The following AUTS2 variants were observed in gnomAD, a reference collection of about 807,000 sequenced individuals.
AUTS2 encodes activator of transcription and developmental regulator AUTS2, also known as autism susceptibility gene 2 protein.
Under a neutral mutation model 112.4 loss-of-function variants are expected in AUTS2, and 17 were observed. The ratio of observed to expected loss-of-function variants is 0.15; its 90% CI spans 0.10 to 0.23. AUTS2 has a LOEUF of 0.23. Ranked by LOEUF, AUTS2 falls within the 10% of genes least tolerant of loss-of-function variation. The pLI, the probability that AUTS2 is intolerant of heterozygous loss-of-function variation, is 1.00. For synonymous variants in AUTS2, 751 were observed against 702.7 expected (o/e 1.07, Z -1.09); for missense variants, 1,510 against 1,701.6 (o/e 0.89, Z 1.98).
chr7:69,827,196 C>T (rs1315423918), intron 1 of AUTS2, among the ~76,000 whole-genome samples: 2 of 152,160 alleles, frequency 1.3e-5, no homozygotes, highest in Admixed American at 6.5e-5. Flanking sequence ...TTCTGTCCTG[C>T]CTTTACTCTC....
At position 69,741,704 on chromosome 7, in the gene AUTS2, T is replaced by TA. The variant is rs112536740; in HGVS notation, c.309+141757dup. Among the ~76,000 whole-genome samples, 339 of 140,234 alleles carry TA rather than the reference T, an allele frequency of 2.4e-3. 1 individual carries two copies. Among genetic ancestry groups the TA allele is most frequent in the Middle Eastern group, 3.7e-3 (1 of 272 alleles). The allele number at this position is 140,234 out of a possible 152,430, so 92.0% of individuals were successfully genotyped here. A position where few individuals can be genotyped will look rare whatever the true frequency, so the allele number is the denominator to read the frequency against. ...TGAGCAGCAGAGCAAAACCCTGTCT[T>TA]AAAAAAAAAAAAAAATCCATAGCCT... is the stretch of plus-strand genomic sequence containing the variant. On this transcript the variant is annotated intron_variant, in intron 1 of 18. Transcript: ENST00000342771.
At chr7:70,457,840 C>A (rs76422628) in intron 5 of AUTS2, among the ~76,000 whole-genome samples, 5,964 of 152,270 alleles carry the variant, frequency 0.039, 175 homozygotes, top group Non-Finnish European at 0.063. Context: ...CCTTCAGAAT[C>A]TTCTGAGCCG....
chr7:70,599,554 C>T (rs62455835), intron 5 of AUTS2, among the ~76,000 whole-genome samples: 4,397 of 152,246 alleles, frequency 0.029, 78 homozygotes, highest in South Asian at 0.072. Flanking sequence ...TCAGAATCTG[C>T]GACAGGTTCC....
chr7:70,411,880 T>G (rs1233561539), intron 4 of AUTS2, among the ~76,000 whole-genome samples: 1 of 151,146 alleles, frequency 6.6e-6, no homozygotes, highest in Non-Finnish European at 1.5e-5. Flanking sequence ...GGATTGTTGA[T>G]GAAGGAGTTT....
At chr7:70,214,487 A>G (rs563880751) in intron 4 of AUTS2, among the ~76,000 whole-genome samples, 1 of 152,340 alleles carries the variant, frequency 6.6e-6, no homozygotes, top group South Asian at 2.1e-4. Flanking sequence ...CATGTTCCAC[A>G]AAACACTCAG....
At chr7:70,177,637 T>C (rs928022880) in intron 4 of AUTS2, among the ~76,000 whole-genome samples, 2 of 152,186 alleles carry the variant, frequency 1.3e-5, no homozygotes, top group Non-Finnish European at 2.9e-5. Flanking sequence ...GGAGCAGACA[T>C]TTGAACTTGA....
At chr7:70,511,561 C>CTTTT (rs3974587) in intron 5 of AUTS2, among the ~76,000 whole-genome samples, 3,383 of 70,324 alleles carry the variant, frequency 0.048, 173 homozygotes, top group Middle Eastern at 0.061. Context: ...TTTTCATTTT[C>CTTTT]TTTTTTTTTT....
At chr7:70,755,637 T>C (rs561257820) in intron 6 of AUTS2, among the ~76,000 whole-genome samples, 50 of 152,018 alleles carry the variant, frequency 3.3e-4, no homozygotes, top group African/African-American at 1.2e-3. Context: ...GCCACTGCAC[T>C]CCACCCTGGG....
At chr7:69,725,527 G>C (rs922537511) in intron 1 of AUTS2, among the ~76,000 whole-genome samples, 9 of 152,132 alleles carry the variant, frequency 5.9e-5, no homozygotes, top group African/African-American at 2.2e-4. Flanking sequence ...AAAAAAGGCA[G>C]GGTTGACATT....
intron 10 of AUTS2, among the ~76,000 whole-genome samples, chr7:70,770,532 A>G (rs1456437037): frequency 6.6e-6 from 1 of 152,250 alleles, no homozygotes; most frequent in African/African-American, 2.4e-5. Flanking sequence ...ATAGGACCTC[A>G]AAAAGATTAA....
intron 6 of AUTS2, among the ~76,000 whole-genome samples, chr7:70,700,290 G>C (rs1809380824): frequency 6.6e-6 from 1 of 152,066 alleles, no homozygotes; most frequent in African/African-American, 2.4e-5. Flanking sequence ...TGCTTTTCTA[G>C]GGGTGATTTA....
intron 1 of AUTS2, among the ~76,000 whole-genome samples, chr7:69,871,457 C>T (rs1430792385): frequency 1.3e-5 from 2 of 152,146 alleles, no homozygotes; most frequent in Non-Finnish European, 2.9e-5. Context: ...CCTGTATATA[C>T]TATGCTTTTT....
intron 2 of AUTS2, among the ~76,000 whole-genome samples, chr7:70,001,621 G>A (rs1475510172): frequency 6.6e-6 from 1 of 151,944 alleles, no homozygotes; most frequent in African/African-American, 2.4e-5. Context: ...AGTTCAAGGT[G>A]AAAGAACAGT....
chr7:70,396,540 C>A, intron 4 of AUTS2, among the ~76,000 whole-genome samples: 1 of 152,090 alleles, frequency 6.6e-6, no homozygotes, highest in East Asian at 1.9e-4. Flanking sequence ...CCACACCCGG[C>A]TAATGTTTGT....
At chr7:70,673,991 T>G (rs1026203687) in intron 5 of AUTS2, among the ~76,000 whole-genome samples, 1 of 152,176 alleles carries the variant, frequency 6.6e-6, no homozygotes, top group African/African-American at 2.4e-5. Context: ...ATGACAGATC[T>G]CATGTAATCA....
intron 6 of AUTS2, among the ~76,000 whole-genome samples, chr7:70,701,921 A>G (rs1809481548): frequency 6.6e-6 from 1 of 152,162 alleles, no homozygotes; most frequent in Non-Finnish European, 1.5e-5. Flanking sequence ...TAGTAACCCT[A>G]TTTAGTTGAT....
chr7:70,666,207 C>T (rs944813414), intron 5 of AUTS2, among the ~76,000 whole-genome samples: 1 of 152,140 alleles, frequency 6.6e-6, no homozygotes, highest in African/African-American at 2.4e-5. Context: ...TCTTCATCTG[C>T]AAAATGGGAA....
In AUTS2 at chr7:70,790,584, A is replaced by T; in HGVS notation, c.3368A>T (p.Asp1123Val). The T allele has an allele frequency of 1.2e-6, 2 of 1,602,434 alleles. No individual in the cohort carries two copies. The highest frequency in any genetic ancestry group is 1.7e-6 in the Non-Finnish European group (2 of 1,175,578). ...DRSFRDREPH[D>V]YSHHHHHHHH... Reference sequence around the variant, plus strand: ...TCCTTCAGGGACCGGGAGCCTCACGACTACAGCCACCACCACCACCACCAC... The same window carrying T: ...TCCTTCAGGGACCGGGAGCCTCACGTCTACAGCCACCACCACCACCACCAC... The change falls in exon 19 of 19, where the codon GAC becomes GTC. Residue 1123 changes from aspartate to valine, a missense_variant. Coordinates refer to ENST00000342771, the MANE Select transcript of AUTS2 (RefSeq NM_015570.4). This position sits in a 1 kb window ranked among gnomAD's most constrained non-coding sequence, Gnocchi z 7.6.
At chr7:69,985,268 C>T (rs921543726) in intron 2 of AUTS2, among the ~76,000 whole-genome samples, 1 of 151,532 alleles carries the variant, frequency 6.6e-6, no homozygotes, top group Non-Finnish European at 1.5e-5. Flanking sequence ...GAAAACGTGC[C>T]CTGTTTTTCT....
Sources: allele counts gnomAD v4.1 joint callset (sites outside exome capture counted in the v4.1 genomes callset), GRCh38; gene constraint gnomAD v4.1.1; non-coding constraint Gnocchi (gnomAD v3.1); transcripts MANE v1.5; gene names NCBI Gene and HGNC (gene_info 2026-07-23, HGNC 2026-07-21).